The following TMEM94 variants were observed in gnomAD, a reference collection of about 807,000 sequenced individuals.
TMEM94 encodes the protein ER Mg2+ ATPase.
TMEM94 carries 81 observed loss-of-function variants against 158.6 expected under a neutral mutation model. The ratio of observed to expected loss-of-function variants is 0.51; its 90% CI spans 0.43 to 0.61. TMEM94 has a LOEUF of 0.61. Among genes scored for constraint, TMEM94 ranks in the 20% least tolerant of loss-of-function variants. The pLI, the probability that TMEM94 is intolerant of heterozygous loss-of-function variation, is 0.00. For missense variants in TMEM94, 1,435 were observed against 1,762.0 expected (o/e 0.81, Z 3.32); for synonymous variants, 751 against 730.7 (o/e 1.03, Z -0.45).
chr17:75,476,019 A>G (rs1007849491), intron 2 of TMEM94, among the ~76,000 whole-genome samples: 4 of 152,008 alleles, frequency 2.6e-5, no homozygotes, highest in African/African-American at 7.2e-5. Flanking sequence ...TTAATAACCC[A>G]CAAGTCCCCT....
At chr17:75,461,320 G>C (rs1003907400) in intron 1 of TMEM94, among the ~76,000 whole-genome samples, 3 of 150,948 alleles carry the variant, frequency 2.0e-5, no homozygotes, top group African/African-American at 7.3e-5. Flanking sequence ...TGCTGATGTC[G>C]AACTCCTGAC....
Position 75,495,277 on chromosome 17 carries a change from C to T in TMEM94, c.2729-7C>T. On this transcript the variant is annotated splice_polypyrimidine_tract_variant and splice_region_variant and intron_variant, in intron 20 of 31. Coordinates refer to ENST00000314256, the MANE Select transcript of TMEM94 (RefSeq NM_014738.6). This position sits in a 1 kb window ranked among gnomAD's most constrained non-coding sequence, Gnocchi z 5.6. ...CCAAGGTGAGGGAGAGGCTTTTGTCCCCACAGTGTCCCGAGATGATGCAGA... is the reference window on the plus strand; with the variant it reads ...CCAAGGTGAGGGAGAGGCTTTTGTCTCCACAGTGTCCCGAGATGATGCAGA... The T allele has an allele frequency of 1.3e-6, 2 of 1,590,774 alleles. No individual in the cohort carries two copies. Among genetic ancestry groups the T allele is most frequent in the Non-Finnish European group, 8.6e-7 (1 of 1,164,864 alleles).
At chr17:75,473,913 G>A (rs1458042527) in intron 2 of TMEM94, among the ~76,000 whole-genome samples, 1 of 151,898 alleles carries the variant, frequency 6.6e-6, no homozygotes, top group African/African-American at 2.4e-5. Flanking sequence ...CTAGGAGTTC[G>A]AGACCAGCCT....
Position 75,488,876 on chromosome 17 carries a change from C to G in TMEM94, c.730C>G (p.Arg244Gly). The G allele has an allele frequency of 1.2e-6, 2 of 1,609,734 alleles. No homozygotes were observed. Among genetic ancestry groups the G allele is most frequent in the Non-Finnish European group, 1.7e-6 (2 of 1,177,250 alleles). ...PQSPQQHRLF[R>G]VLETPVIDNI... Reference sequence around the variant, plus strand: ...GAGCCCCCAGCAGCACCGGCTTTTCCGTGTCCTTGAGACCCCTGTGATTGA... The same window carrying G: ...GAGCCCCCAGCAGCACCGGCTTTTCGGTGTCCTTGAGACCCCTGTGATTGA... Residue 244 changes from arginine (R) to glycine (G), a missense_variant, in exon 7 of 32, where the codon CGT (arginine) becomes GGT (glycine). Around this residue, in one of 3 missense-constraint regions of TMEM94, gnomAD observed 1,051 missense variants for 1,254.4 expected, o/e 0.84. Coordinates refer to ENST00000314256, the MANE Select transcript of TMEM94 (RefSeq NM_014738.6).
Position 75,480,307 on chromosome 17 carries a change from T to C in TMEM94, c.25-5121T>C, listed in dbSNP as rs538499545. On this transcript the variant is annotated intron_variant, in intron 2 of 31. Coordinates refer to ENST00000314256, the MANE Select transcript of TMEM94 (RefSeq NM_014738.6). Reference sequence around the variant, plus strand: ...CTTTGGGCAGCACGTAATTACAGAATGGCTTATTTTTCCTCTACTGTGCTG... The same window carrying C: ...CTTTGGGCAGCACGTAATTACAGAACGGCTTATTTTTCCTCTACTGTGCTG... 3.9e-5 allele frequency among the ~76,000 whole-genome samples: 6 copies of C among 152,320 alleles called. No homozygotes were observed. In the East Asian group the frequency reaches 1.2e-3, roughly 29 times the overall value.
At chr17:75,461,672 C>A (rs1441398169) in intron 1 of TMEM94, among the ~76,000 whole-genome samples, 3 of 151,476 alleles carry the variant, frequency 2.0e-5, no homozygotes, top group African/African-American at 7.3e-5. Context: ...GCCTGTAATC[C>A]CAGCATTTTG....
At chr17:75,463,029 AAAAAAAAAATATAT>A (rs1282554444) in intron 1 of TMEM94, among the ~76,000 whole-genome samples, 4 of 11,330 alleles carry the variant, frequency 3.5e-4, no homozygotes, top group Non-Finnish European at 6.7e-4. Flanking sequence ...AAAAAAAAAA[AAAAAAAAAATATAT>A]ATATATATAT....
At chr17:75,473,057 A>G (rs2050556111) in intron 2 of TMEM94, among the ~76,000 whole-genome samples, 1 of 152,054 alleles carries the variant, frequency 6.6e-6, no homozygotes, top group African/African-American at 2.4e-5. Context: ...CTTAGTACAT[A>G]TTTATTGACC....
rs552672490 is a variant in TMEM94 at position 75,490,956 on chromosome 17, C to T, written c.1129-93C>T. The stretch of plus-strand genomic sequence containing the variant: ...GAGAAGTGCCTCTCCACCCCAACTT[C>T]GTGGTGCTCCCCTGGATTTTCCCCT... On this transcript the variant is annotated intron_variant, in intron 11 of 31. Coordinates refer to ENST00000314256, the MANE Select transcript of TMEM94 (RefSeq NM_014738.6). 47 of 1,099,290 alleles carry T rather than the reference C, an allele frequency of 4.3e-5. No homozygotes were observed. The East Asian group carries it at 8.1e-4, about 19-fold the overall frequency. 68.1% of individuals were successfully genotyped at this position (1,099,290 alleles called of 1,614,324 possible).
chr17:75,468,682 C>A (rs1423978929), intron 1 of TMEM94, among the ~76,000 whole-genome samples: 1 of 152,224 alleles, frequency 6.6e-6, no homozygotes, highest in Non-Finnish European at 1.5e-5. Context: ...CGTGGTTGCT[C>A]AGCCTAGGGC....
chr17:75,466,673 C>T (rs568826036), intron 1 of TMEM94, among the ~76,000 whole-genome samples: 3 of 152,086 alleles, frequency 2.0e-5, no homozygotes, highest in African/African-American at 7.2e-5. Flanking sequence ...AAAAAATTAG[C>T]CGGCCATGGT....
At chr17:75,467,838 CT>C (rs1280648857) in intron 1 of TMEM94, among the ~76,000 whole-genome samples, 1 of 152,204 alleles carries the variant, frequency 6.6e-6, no homozygotes, top group East Asian at 1.9e-4. Flanking sequence ...GGCCCCATTT[CT>C]TTTTCTTCCA....
chr17:75,495,913 C>G lies in TMEM94; in HGVS notation c.2945-53C>G. 1 of 1,337,028 alleles carries G rather than the reference C, an allele frequency of 7.5e-7. No homozygotes were observed. The highest frequency in any genetic ancestry group is 1.2e-5 in the South Asian group (1 of 82,770). The allele number at this position is 1,337,028 out of a possible 1,614,324, so 82.8% of individuals were successfully genotyped here. A position where few individuals can be genotyped will look rare whatever the true frequency, so the allele number is the denominator to read the frequency against. ...CTGTCCCATGGGTCTCTGCCCAGTGCCCACTTGGTGCTCTGCCTGCCTGAC... is the reference window on the plus strand; with the variant it reads ...CTGTCCCATGGGTCTCTGCCCAGTGGCCACTTGGTGCTCTGCCTGCCTGAC... On this transcript the variant is annotated intron_variant, in intron 22 of 31. Coordinates refer to ENST00000314256, the MANE Select transcript of TMEM94 (RefSeq NM_014738.6). The surrounding 1 kb of genome is among the most constrained non-coding windows in gnomAD (Gnocchi z 5.6).
At chr17:75,478,003 CTTTTTTTTT>C (rs909668190) in intron 2 of TMEM94, among the ~76,000 whole-genome samples, 4 of 57,880 alleles carry the variant, frequency 6.9e-5, no homozygotes, top group Non-Finnish European at 1.2e-4. Flanking sequence ...GAGACTCCAT[CTTTTTTTTT>C]TTTTTTTTTT....
chr17:75,460,448 G>A (rs2050026347), intron 1 of TMEM94, among the ~76,000 whole-genome samples: 2 of 151,942 alleles, frequency 1.3e-5, no homozygotes, highest in South Asian at 4.1e-4. Context: ...TGACGTGAAA[G>A]CCAAGTAGGG....
At chr17:75,490,936 G>T in intron 11 of TMEM94, 113 bp from the exon 12 acceptor site, 1 of 975,504 alleles carries the variant, frequency 1.0e-6, no homozygotes, top group Non-Finnish European at 1.6e-6. Flanking sequence ...TCCCAGAGAA[G>T]TGCCTCTCCA....
In TMEM94 at chr17:75,492,217, G is replaced by A. The variant is rs1235818138; in HGVS notation, c.1597-257G>A. The A allele has an allele frequency of 1.4e-6, 2 of 1,400,396 alleles. No individual in the cohort carries two copies. The highest frequency in any genetic ancestry group is 1.9e-6 in the Non-Finnish European group (2 of 1,074,488). The allele number at this position is 1,400,396 out of a possible 1,614,324, so 86.7% of individuals were successfully genotyped here. ...AGATCCCTCAACTGTGTCCTCTTTGGTCTGGCCACCCCTCTTTTTAGCTCC... is the reference window on the plus strand; with the variant it reads ...AGATCCCTCAACTGTGTCCTCTTTGATCTGGCCACCCCTCTTTTTAGCTCC... On this transcript the variant is annotated intron_variant, in intron 14 of 31. Coordinates refer to ENST00000314256, the MANE Select transcript of TMEM94 (RefSeq NM_014738.6). This position sits in a 1 kb window ranked among gnomAD's most constrained non-coding sequence, Gnocchi z 4.4.
chr17:75,463,035 AAAATATATATAT>A (rs2050140772), intron 1 of TMEM94, among the ~76,000 whole-genome samples: 1 of 3,412 alleles, frequency 2.9e-4, no homozygotes, highest in Non-Finnish European at 5.6e-4. Flanking sequence ...AAAAAAAAAA[AAAATATATATAT>A]ATATATATAT....
intron 10 of TMEM94, among the ~76,000 whole-genome samples, 157 bp from the exon 11 acceptor site, chr17:75,490,545 G>A (rs6501812): frequency 0.86 from 130,253 of 152,268 alleles, 56,357 homozygotes; most frequent in Middle Eastern, 0.92. Context: ...GTGAGCGTCT[G>A]CCCTGGCTTC....
Sources: gnomAD v4.1 joint callset for allele counts (sites outside exome capture counted in the v4.1 genomes callset) on GRCh38, gnomAD v4.1.1 for gene constraint, gnomAD v4.1.1 regional missense constraint, Gnocchi (gnomAD v3.1) non-coding constraint, MANE v1.5 for transcripts, NCBI Gene and HGNC (gene_info 2026-07-23, HGNC 2026-07-21) for gene names.